Variants in FMO1 observed in about 807,000 individuals in gnomAD.
FMO1 encodes flavin containing dimethylaniline monoxygenase 1.
FMO1 carries 36 observed loss-of-function variants against 45.4 expected under a neutral mutation model. That is an observed-to-expected ratio of 0.79 (90% CI 0.61 to 1.05). FMO1 has a LOEUF of 1.05. Ranked by LOEUF, FMO1 falls within the 50% of genes least tolerant of loss-of-function variation. The pLI, the probability that FMO1 is intolerant of heterozygous loss-of-function variation, is 0.00. For missense variants in FMO1, 615 were observed against 640.3 expected, an observed-to-expected ratio of 0.96 and a Z score of 0.43; for synonymous variants, 228 against 227.2, an observed-to-expected ratio of 1.00 and a Z score of -0.03.
At chr1:171,260,499 T>C (rs1480610505) in intron 2 of FMO1, among the ~76,000 whole-genome samples, 2 of 151,676 alleles carry the variant, frequency 1.3e-5, no homozygotes, top group South Asian at 2.1e-4. Flanking sequence ...AAGGTGAACA[T>C]GGAAGAGAAA....
intron 7 of FMO1, 77 bp downstream of exon 7, chr1:171,282,410 A>G (rs1164585394): frequency 5.6e-6 from 5 of 888,730 alleles, no homozygotes; most frequent in South Asian, 1.7e-5. Flanking sequence ...TGAGACTATT[A>G]TTCCTCCTGC....
intron 1 of FMO1, among the ~76,000 whole-genome samples, chr1:171,256,340 A>T (rs915345814): frequency 6.6e-6 from 1 of 152,082 alleles, no homozygotes. Context: ...CTGAGGCTCA[A>T]AAGGGGTAAG....
chr1:171,277,594 C>T (rs1661161862), intron 4 of FMO1, among the ~76,000 whole-genome samples: 2 of 152,088 alleles, frequency 1.3e-5, no homozygotes, highest in Admixed American at 1.3e-4. Flanking sequence ...TGTGACCCCC[C>T]AAAACAAAGC....
intron 3 of FMO1, chr1:171,271,339 T>C: frequency 7.5e-7 from 1 of 1,341,580 alleles, no homozygotes; most frequent in Non-Finnish European, 1.0e-6. Flanking sequence ...CTTTTTTGTC[T>C]CCCCTTTGGG....
chr1:171,265,611 CAG>C (rs570933808), intron 2 of FMO1, among the ~76,000 whole-genome samples: 33 of 152,274 alleles, frequency 2.2e-4, no homozygotes, highest in South Asian at 1.0e-3. Context: ...GCAATTGACA[CAG>C]AGAGTCATCA....
intron 6 of FMO1, among the ~76,000 whole-genome samples, chr1:171,281,524 A>G (rs1420819427): frequency 1.3e-5 from 2 of 152,220 alleles, no homozygotes; most frequent in African/African-American, 4.8e-5. Flanking sequence ...TTGTGATTCC[A>G]AAGGTATAGC....
At chr1:171,249,111 G>C (rs1417559574) in intron 1 of FMO1, among the ~76,000 whole-genome samples, 1 of 151,804 alleles carries the variant, frequency 6.6e-6, no homozygotes, top group Non-Finnish European at 1.5e-5. Context: ...AATCTGTTCT[G>C]TCATGTCATC....
chr1:171,254,087 T>C (rs1660036102), intron 1 of FMO1: 2 of 152,084 alleles, frequency 1.3e-5, no homozygotes, highest in African/African-American at 4.8e-5. Context: ...AAATTTTTAC[T>C]GAGTTAACTT....
chr1:171,258,311 G>A (rs1255273294), intron 2 of FMO1, 92 bp downstream of exon 2: 1 of 1,478,708 alleles, frequency 6.8e-7, no homozygotes, highest in African/African-American at 1.4e-5. Flanking sequence ...AGGGTTGGTG[G>A]CCTTGAGGAA....
chr1:171,285,252 T>C lies in FMO1; in HGVS notation c.1307T>C (p.Ile436Thr). The change falls in exon 9 of 9, where the codon ATA becomes ACA. Residue 436 changes from isoleucine to threonine, a missense_variant. Ile to Thr is a moderately conservative substitution (Grantham distance 89). Coordinates refer to ENST00000617670, the MANE Select transcript of FMO1 (RefSeq NM_001282693.2). Reference sequence around the variant, plus strand: ...TTACAATCAGATTATATCACATACATAGATGAACTCCTGACCTATATCAAT... The same window carrying C: ...TTACAATCAGATTATATCACATACACAGATGAACTCCTGACCTATATCAAT... Reference protein sequence around the residue: ...KALQSDYITYIDELLTYINAK... With the variant: ...KALQSDYITYTDELLTYINAK... 6.2e-7 allele frequency: 1 copy of C among 1,613,746 alleles called. No homozygotes were observed. Among genetic ancestry groups the C allele is most frequent in the Non-Finnish European group, 8.5e-7 (1 of 1,179,806 alleles).
At chr1:171,256,631 G>A (rs960870578) in intron 1 of FMO1, among the ~76,000 whole-genome samples, 1 of 151,860 alleles carries the variant, frequency 6.6e-6, no homozygotes, top group Non-Finnish European at 1.5e-5. Flanking sequence ...TTTACATGTT[G>A]CTTGAAAAAA....
chr1:171,278,864 C>T lies in FMO1; in HGVS notation c.620C>T (p.Ala207Val), dbSNP rs146934200. The T allele has an allele frequency of 3.2e-5, 51 of 1,609,414 alleles. No individual in the cohort carries two copies. Among genetic ancestry groups the T allele is most frequent in the South Asian group, 2.1e-4 (19 of 90,440 alleles). The change falls in exon 5 of 9, where the codon GCG becomes GTG. Residue 207 changes from alanine to valine, a missense_variant. Physicochemically the swap from Ala to Val is moderately conservative, Grantham distance 64. Coordinates refer to ENST00000617670, the MANE Select transcript of FMO1 (RefSeq NM_001282693.2). The stretch of plus-strand genomic sequence containing the variant: ...ATTGCTGTGGAGGCCAGCCACCTGG[C>T]GGAAAAGGTACATTCCTGATGTTAC... Reference protein sequence around the residue: ...TDIAVEASHLAEKVFLSTTGG... With the variant: ...TDIAVEASHLVEKVFLSTTGG...
rs991886611 is a variant in FMO1, at chr1:171,283,598, A to G, written c.1256+382A>G. Reference sequence around the variant, plus strand: ...AGCAGTTGTACCTATTTACTCTGACACTAGAAGTGTCTGCTCATTCATTCA... The same window carrying G: ...AGCAGTTGTACCTATTTACTCTGACGCTAGAAGTGTCTGCTCATTCATTCA... On this transcript the variant is annotated intron_variant, in intron 8 of 8. Coordinates refer to ENST00000617670, the MANE Select transcript of FMO1 (RefSeq NM_001282693.2). 4.6e-5 allele frequency among the ~76,000 whole-genome samples: 7 copies of G among 152,204 alleles called. No homozygotes were observed. The East Asian group carries it at 1.3e-3, about 29-fold the overall frequency.
At chr1:171,264,543 C>T (rs1311685007) in intron 2 of FMO1, among the ~76,000 whole-genome samples, 1 of 151,906 alleles carries the variant, frequency 6.6e-6, no homozygotes, top group Non-Finnish European at 1.5e-5. Context: ...AAAGCACTCT[C>T]ACTCAAAATA....
At chr1:171,256,206 G>A (rs575185410) in intron 1 of FMO1, among the ~76,000 whole-genome samples, 1 of 143,424 alleles carries the variant, frequency 7.0e-6, no homozygotes, top group African/African-American at 2.6e-5. Flanking sequence ...CTAGGAGGCA[G>A]AGCTTGCAGT....
intron 3 of FMO1, among the ~76,000 whole-genome samples, chr1:171,269,648 G>A (rs779764248): frequency 3.2e-4 from 48 of 152,076 alleles, no homozygotes; most frequent in Non-Finnish European, 7.4e-5. Context: ...TTAAGAAAAC[G>A]ATAATCTTGA....
At chr1:171,269,246 C>T (rs1201860835) in intron 3 of FMO1, among the ~76,000 whole-genome samples, 1 of 152,130 alleles carries the variant, frequency 6.6e-6, no homozygotes, top group Non-Finnish European at 1.5e-5. Flanking sequence ...ACTGTGGAAA[C>T]GTCAGAGGTT....
chr1:171,285,151 A>T, intron 8 of FMO1, 51 bp from the exon 9 acceptor site: 1 of 1,248,832 alleles, frequency 8.0e-7, no homozygotes. Context: ...TTGTTCTAAG[A>T]TTATCAGTTT....
At position 171,282,027 on chromosome 1, in the gene FMO1, A is replaced by G; in HGVS notation, c.877A>G (p.Ile293Val). 3 of 1,613,412 alleles carry G rather than the reference A, an allele frequency of 1.9e-6. No homozygotes were observed. The highest frequency in any genetic ancestry group is 2.5e-6 in the Non-Finnish European group (3 of 1,179,764). The stretch of plus-strand genomic sequence containing the variant: ...AAATGATGAGCTCCCAGGACGCATC[A>G]TCACTGGGAAAGTGTTCATCAGGCC... ...VLNDELPGRI[I>V]TGKVFIRPSI... The change falls in exon 7 of 9, where the codon ATC becomes GTC. Residue 293 changes from isoleucine (I) to valine (V), a missense_variant. Coordinates refer to ENST00000617670, the MANE Select transcript of FMO1 (RefSeq NM_001282693.2).
Sources: gnomAD v4.1 joint callset for allele counts (sites outside exome capture counted in the v4.1 genomes callset) on GRCh38, gnomAD v4.1.1 for gene constraint, MANE v1.5 for transcripts, NCBI Gene and HGNC (gene_info 2026-07-23, HGNC 2026-07-21) for gene names.